The following CSMD1 variants were observed in gnomAD, a reference collection of about 807,000 sequenced individuals.
The protein encoded by CSMD1 is CUB and Sushi multiple domains 1.
In CSMD1, 213 loss-of-function variants were observed where a neutral mutation model predicts 417.5. That is an observed-to-expected ratio of 0.51 (90% CI 0.46 to 0.57). The LOEUF is 0.57. CSMD1 is among the 20% of genes least tolerant of loss of function. CSMD1 has a pLI of 0.00. For missense variants in CSMD1, 6,923 were observed against 4,529.7 expected, an observed-to-expected ratio of 1.53 and a Z score of -15.17; for synonymous variants, 2,862 against 1,736.8, an observed-to-expected ratio of 1.65 and a Z score of -16.11.
intron 3 of CSMD1, among the ~76,000 whole-genome samples, chr8:4,375,715 T>C (rs559428008): frequency 1.3e-5 from 2 of 152,234 alleles, no homozygotes; most frequent in South Asian, 4.2e-4. Flanking sequence ...CATGACTGTT[T>C]TCTTCCTCCT....
intron 1 of CSMD1, among the ~76,000 whole-genome samples, chr8:4,885,101 A>G (rs1036331275): frequency 6.6e-6 from 1 of 152,106 alleles, no homozygotes; most frequent in African/African-American, 2.4e-5. Flanking sequence ...GCTACTGTAA[A>G]TGGAATGGTA....
At chr8:4,420,099 A>G (rs1245464382) in intron 2 of CSMD1, 34 bp from the exon 3 acceptor site, 5 of 1,465,584 alleles carry the variant, frequency 3.4e-6, no homozygotes, top group Non-Finnish European at 4.6e-6. Flanking sequence ...AAGAGAGTTA[A>G]AAGCATGAAT....
chr8:4,954,862 TA>T (rs1181151240), intron 1 of CSMD1, among the ~76,000 whole-genome samples: 3 of 152,214 alleles, frequency 2.0e-5, no homozygotes, highest in African/African-American at 7.2e-5. Flanking sequence ...TTACACATAC[TA>T]ACTCATAACT....
chr8:3,254,493 C>T (rs1800500117), intron 26 of CSMD1, among the ~76,000 whole-genome samples: 1 of 152,192 alleles, frequency 6.6e-6, no homozygotes, highest in Non-Finnish European at 1.5e-5. Context: ...TCCATTCTCC[C>T]TGTCACTTTC....
chr8:4,992,263 C>A (rs925362704), intron 1 of CSMD1, among the ~76,000 whole-genome samples: 2 of 152,220 alleles, frequency 1.3e-5, no homozygotes, highest in Non-Finnish European at 2.9e-5. Flanking sequence ...AGCGCTGCAG[C>A]CCACCCGCGT....
intron 3 of CSMD1, among the ~76,000 whole-genome samples, chr8:4,039,420 A>T (rs1421241983): frequency 6.6e-6 from 1 of 152,192 alleles, no homozygotes; most frequent in Non-Finnish European, 1.5e-5. Context: ...AATTTTCAGG[A>T]TCACATTAAA....
intron 7 of CSMD1, among the ~76,000 whole-genome samples, chr8:3,633,992 A>C (rs1796911157): frequency 6.6e-6 from 1 of 151,824 alleles, no homozygotes; most frequent in Admixed American, 6.6e-5. Context: ...CATGACCCTT[A>C]TATAAAATGT....
At chr8:3,551,696 G>T (rs1353431764) in intron 10 of CSMD1, among the ~76,000 whole-genome samples, 1 of 148,982 alleles carries the variant, frequency 6.7e-6, no homozygotes, top group Non-Finnish European at 1.5e-5. Context: ...ATAAAGACAT[G>T]ACTGATGATG....
intron 5 of CSMD1, among the ~76,000 whole-genome samples, chr8:3,961,035 A>G (rs1812290459): frequency 6.6e-6 from 1 of 152,092 alleles, no homozygotes; most frequent in South Asian, 2.1e-4. Context: ...ATTTTAAAAA[A>G]GAGGAAAAGA....
chr8:4,266,488 C>G (rs28594598), intron 3 of CSMD1, among the ~76,000 whole-genome samples: 6,016 of 104,136 alleles, frequency 0.058, 1,238 homozygotes, highest in African/African-American at 0.15. Flanking sequence ...ATTTATAACT[C>G]TGTCAAAGTA....
chr8:4,647,426 G>A (rs991989725), intron 1 of CSMD1, among the ~76,000 whole-genome samples: 49 of 148,626 alleles, frequency 3.3e-4, no homozygotes, highest in South Asian at 6.3e-4. Flanking sequence ...GTGCCACGGC[G>A]GCCTGCTACG....
chr8:4,415,135 T>C (rs1405997582), intron 3 of CSMD1, among the ~76,000 whole-genome samples: 1 of 152,102 alleles, frequency 6.6e-6, no homozygotes, highest in African/African-American at 2.4e-5. Context: ...AACTCAATTT[T>C]CTACCCTTCA....
At chr8:3,287,117 A>C (rs1168045481) in intron 25 of CSMD1, among the ~76,000 whole-genome samples, 1 of 151,786 alleles carries the variant, frequency 6.6e-6, no homozygotes, top group Non-Finnish European at 1.5e-5. Flanking sequence ...CAGGTTTGTC[A>C]AAGATCAGAT....
intron 2 of CSMD1, among the ~76,000 whole-genome samples, chr8:4,620,713 A>T (rs1480075926): frequency 6.6e-6 from 1 of 151,930 alleles, no homozygotes; most frequent in Non-Finnish European, 1.5e-5. Context: ...AAACTAAATT[A>T]CTAGTAAATC....
intron 1 of CSMD1, among the ~76,000 whole-genome samples, chr8:4,816,471 A>G (rs1799215185): frequency 6.6e-6 from 1 of 151,974 alleles, no homozygotes; most frequent in African/African-American, 2.4e-5. Flanking sequence ...CAAGTGATCC[A>G]CCCTCCTCAG....
intron 1 of CSMD1, among the ~76,000 whole-genome samples, chr8:4,827,953 G>A (rs1466726350): frequency 6.6e-6 from 1 of 152,142 alleles, no homozygotes; most frequent in Non-Finnish European, 1.5e-5. Context: ...TCAAAAGTAT[G>A]CTGACTAAAA....
intron 1 of CSMD1, among the ~76,000 whole-genome samples, chr8:4,875,350 G>C (rs992061204): frequency 6.6e-6 from 1 of 152,008 alleles, no homozygotes; most frequent in African/African-American, 2.4e-5. Context: ...TGAATATTTT[G>C]GAACTGAAAA....
At chr8:4,359,241 G>C (rs755050010) in intron 3 of CSMD1, among the ~76,000 whole-genome samples, 1 of 152,156 alleles carries the variant, frequency 6.6e-6, no homozygotes, top group Non-Finnish European at 1.5e-5. Context: ...CCCTCCTTCT[G>C]AGATTACTTC....
At chr8:3,975,115 C>T (rs905620085) in intron 5 of CSMD1, among the ~76,000 whole-genome samples, 1 of 152,114 alleles carries the variant, frequency 6.6e-6, no homozygotes, top group African/African-American at 2.4e-5. Flanking sequence ...AACTTGAAAA[C>T]CACTATGCAT....
Sources: gnomAD v4.1 joint callset for allele counts (sites outside exome capture counted in the v4.1 genomes callset) on GRCh38, gnomAD v4.1.1 for gene constraint, MANE v1.5 for transcripts, NCBI Gene and HGNC (gene_info 2026-07-23, HGNC 2026-07-21) for gene names.